The following SZT2 variants were observed in gnomAD, a reference collection of about 807,000 sequenced individuals.
SZT2 encodes the protein KICSTOR complex protein SZT2.
Under a neutral mutation model 404.2 loss-of-function variants are expected in SZT2, and 216 were observed. The observed-to-expected ratio is 0.53, with a 90% CI of 0.48 to 0.60. The LOEUF is 0.60. Among genes scored for constraint, SZT2 ranks in the 20% least tolerant of loss-of-function variants. The probability of loss-of-function intolerance (pLI) is 0.00; values close to 1 mark genes in which losing one functional copy is unlikely to be tolerated. For missense variants in SZT2, 3,857 were observed against 4,459.2 expected, an observed-to-expected ratio of 0.86 and a Z score of 3.85; for synonymous variants, 1,693 against 1,749.9, an observed-to-expected ratio of 0.97 and a Z score of 0.81.
Position 43,442,731 on chromosome 1 carries a change from A to G in SZT2, c.8152-88A>G, listed in dbSNP as rs887917160. ...CAGACTGAGGGCAGAGGTAGTGGGG[A>G]GGGAGAGTCTGAGAGAGGAAGCCCT... On this transcript the variant is annotated intron_variant, in intron 58 of 71. Transcript: ENST00000634258. The surrounding 1 kb of genome is among the most constrained non-coding windows in gnomAD (Gnocchi z 4.5). 7.2e-6 allele frequency: 11 copies of G among 1,535,152 alleles called. No individual in the cohort carries two copies. The highest frequency in any genetic ancestry group is 8.7e-6 in the Non-Finnish European group (10 of 1,143,308).
At position 43,427,082 on chromosome 1, in the gene SZT2, G is replaced by A. The variant is rs368224490; in HGVS notation, c.3336G>A (p.Lys1112=). 9.3e-6 allele frequency: 15 copies of A among 1,613,550 alleles called. No individual in the cohort carries two copies. In the African/African-American group the frequency reaches 1.9e-4, roughly 20 times the overall value. Residue 1112 remains lysine (K), a synonymous_variant, in exon 24 of 72, where the codon AAG becomes AAA. Transcript: ENST00000634258. ...SLSVGLPETL[K]PLISAQPPQW... ...GTGTAGGTCTTCCTGAAACTCTCAA[G>A]CCTCTCATCTCTGCCCAGCCCCCTC...
chr1:43,430,469 C>G, intron 31 of SZT2, 27 bp from the exon 32 acceptor site: 1 of 1,609,854 alleles, frequency 6.2e-7, no homozygotes. Flanking sequence ...CAGCCTCTCT[C>G]ATTGACCATG....
intron 67 of SZT2, 22 bp from the exon 68 acceptor site, chr1:43,447,827 C>T (rs1277047959): frequency 2.5e-6 from 4 of 1,613,626 alleles, no homozygotes; most frequent in Non-Finnish European, 3.4e-6. Context: ...GAGTTGACAT[C>T]TCCCCAACCC....
At chr1:43,390,550 A>T (rs932968136) in intron 1 of SZT2, among the ~76,000 whole-genome samples, 1 of 152,246 alleles carries the variant, frequency 6.6e-6, no homozygotes, top group African/African-American at 2.4e-5. Flanking sequence ...TCTTTATAAA[A>T]TATCTGTCTT....
At chr1:43,443,513 C>T in intron 61 of SZT2, 36 bp downstream of exon 61, 1 of 1,613,762 alleles carries the variant, frequency 6.2e-7, no homozygotes, top group East Asian at 2.2e-5. Context: ...CAGACCTTTG[C>T]TTACCCCACA....
At chr1:43,397,072 T>C (rs1649080035) in intron 1 of SZT2, among the ~76,000 whole-genome samples, 1 of 152,218 alleles carries the variant, frequency 6.6e-6, no homozygotes, top group Admixed American at 6.5e-5. Flanking sequence ...ATACATGTAT[T>C]CAACAGTTAT....
intron 2 of SZT2, 32 bp from the exon 3 acceptor site, chr1:43,403,569 T>C: frequency 6.2e-7 from 1 of 1,602,754 alleles, no homozygotes; most frequent in Non-Finnish European, 8.5e-7. Context: ...ACTTCGCTGA[T>C]CCTTTCCTTT....
Position 43,442,028 on chromosome 1 carries a change from T to C in SZT2, c.7771T>C (p.Cys2591Arg). The C allele has an allele frequency of 6.2e-7, 1 of 1,613,942 alleles. No individual in the cohort carries two copies. The highest frequency in any genetic ancestry group is 8.5e-7 in the Non-Finnish European group (1 of 1,179,916). ...TTCAGAGCCAGAGATCTTCGGCCCT[T>C]GTTCCCCTGGGCAACTGGGCCCCTC... ...LGSEPEIFGP[C>R]SPGQLGPSPR... Residue 2591 changes from cysteine (C) to arginine (R), a missense_variant, in exon 56 of 72, where the codon TGT becomes CGT. By Grantham distance (180) the Cys-to-Arg change is radical. This residue lies in a region of SZT2 where 573 missense variants were observed against 592.4 expected (regional missense o/e 0.97). Transcript: ENST00000634258. The surrounding 1 kb of genome is among the most constrained non-coding windows in gnomAD (Gnocchi z 4.5).
chr1:43,437,159 C>T lies in SZT2; in HGVS notation c.6035-12C>T. On this transcript the variant is annotated splice_polypyrimidine_tract_variant and intron_variant, in intron 42 of 71. Transcript: ENST00000634258. The surrounding 1 kb of genome is among the most constrained non-coding windows in gnomAD (Gnocchi z 5.3). ...TGTGTCCCATTTCTAATCCCTGCTC[C>T]CCCTCACCCAGATTATGCTGCTGAT... The T allele has an allele frequency of 1.2e-6, 2 of 1,613,868 alleles. No individual in the cohort carries two copies. The highest frequency in any genetic ancestry group is 1.7e-6 in the Non-Finnish European group (2 of 1,179,868).
chr1:43,424,797 G>A lies in SZT2; in HGVS notation c.2485G>A (p.Glu829Lys). Residue 829 changes from glutamate (E) to lysine (K), a missense_variant, in exon 17 of 72, where the codon GAA becomes AAA. Coordinates refer to ENST00000634258, the MANE Select transcript of SZT2 (RefSeq NM_001365999.1). This position sits in a 1 kb window ranked among gnomAD's most constrained non-coding sequence, Gnocchi z 4.1. ...ATGGGGCTTCAGAGTCCGACTTTCTGAAGGATTCCACTTCGCCTGCAGTGG... is the reference window on the plus strand; with the variant it reads ...ATGGGGCTTCAGAGTCCGACTTTCTAAAGGATTCCACTTCGCCTGCAGTGG... ...LSILTEVRLS[E>K]GFHFACSGEG... is the part of the protein sequence containing the mutation. 6.2e-7 allele frequency: 1 copy of A among 1,614,076 alleles called. No homozygotes were observed. Among genetic ancestry groups the A allele is most frequent in the Non-Finnish European group, 8.5e-7 (1 of 1,179,942 alleles).
intron 4 of SZT2, among the ~76,000 whole-genome samples, chr1:43,407,825 A>AC (rs1650503234): frequency 7.4e-6 from 1 of 135,500 alleles, no homozygotes; most frequent in African/African-American, 2.7e-5. Context: ...TTAAATTCTA[A>AC]CCTTTTTTTT....
At chr1:43,396,318 A>C (rs769517651) in intron 1 of SZT2, among the ~76,000 whole-genome samples, 7 of 152,252 alleles carry the variant, frequency 4.6e-5, no homozygotes, top group Non-Finnish European at 8.8e-5. Context: ...GGCTGTCATC[A>C]CATGTTTAAT....
In SZT2 at chr1:43,453,907, A is replaced by C; in HGVS notation, c.*3427A>C. On this transcript the variant is annotated 3_prime_UTR_variant, in exon 72 of 72. Coordinates refer to ENST00000634258, the MANE Select transcript of SZT2 (RefSeq NM_001365999.1). Reference sequence around the variant, plus strand: ...TTGCTGGCCCTGCGAACGAACGAGCACTGTTCGTGGTTAGAAAAGCGAAGT... The same window carrying C: ...TTGCTGGCCCTGCGAACGAACGAGCCCTGTTCGTGGTTAGAAAAGCGAAGT... 1.6e-6 allele frequency: 2 copies of C among 1,214,624 alleles called. No homozygotes were observed. The highest frequency in any genetic ancestry group is 4.0e-5 in the South Asian group (1 of 25,252). 75.2% of individuals were successfully genotyped at this position (1,214,624 alleles called of 1,614,324 possible).
intron 28 of SZT2, 175 bp downstream of exon 28, chr1:43,428,661 C>A: frequency 2.4e-6 from 2 of 830,296 alleles, no homozygotes; most frequent in Non-Finnish European, 3.6e-6. Context: ...CAATTTGGCA[C>A]AGGCAGCAGT....
At position 43,446,277 on chromosome 1, in the gene SZT2, T is replaced by C. The variant is rs1557600996; in HGVS notation, c.8997+18T>C. 1.2e-6 allele frequency: 2 copies of C among 1,614,264 alleles called. No homozygotes were observed. Among genetic ancestry groups the C allele is most frequent in the East Asian group, 4.5e-5 (2 of 44,884 alleles). On this transcript the variant is annotated intron_variant, in intron 64 of 71. Coordinates refer to ENST00000634258, the MANE Select transcript of SZT2 (RefSeq NM_001365999.1). Reference sequence around the variant, plus strand: ...CATTCCAGGTAAGCAGGAGGAGCACTGAGTGGAGACAGCCAGACCCACCTG... The same window carrying C: ...CATTCCAGGTAAGCAGGAGGAGCACCGAGTGGAGACAGCCAGACCCACCTG...
Position 43,426,598 on chromosome 1 carries a change from A to G in SZT2, c.3214+60A>G. On this transcript the variant is annotated intron_variant, in intron 22 of 71. Transcript: ENST00000634258. This position sits in a 1 kb window ranked among gnomAD's most constrained non-coding sequence, Gnocchi z 4.9. Reference sequence around the variant, plus strand: ...GGCCCAGCCCTTTTCCCCCACCCTCACAGGGTGATTTCTGTCTTTGAGTTT... The same window carrying G: ...GGCCCAGCCCTTTTCCCCCACCCTCGCAGGGTGATTTCTGTCTTTGAGTTT... 6.6e-7 allele frequency: 1 copy of G among 1,506,048 alleles called. No individual in the cohort carries two copies. The highest frequency in any genetic ancestry group is 8.9e-7 in the Non-Finnish European group (1 of 1,120,898). The allele number at this position is 1,506,048 out of a possible 1,614,324, so 93.3% of individuals were successfully genotyped here.
chr1:43,426,569 C>T lies in SZT2; in HGVS notation c.3214+31C>T. The T allele has an allele frequency of 6.5e-7, 1 of 1,529,762 alleles. No individual in the cohort carries two copies. The highest frequency in any genetic ancestry group is 8.8e-7 in the Non-Finnish European group (1 of 1,138,974). The allele number at this position is 1,529,762 out of a possible 1,614,324, so 94.8% of individuals were successfully genotyped here. ...TTCCCCACATCCTCCTGACACCAGA[C>T]CCTGGCCCAGCCCTTTTCCCCCACC... is the stretch of plus-strand genomic sequence containing the variant. On this transcript the variant is annotated intron_variant, in intron 22 of 71. Coordinates refer to ENST00000634258, the MANE Select transcript of SZT2 (RefSeq NM_001365999.1). The surrounding 1 kb of genome is among the most constrained non-coding windows in gnomAD (Gnocchi z 4.9).
chr1:43,416,723 G>A, intron 7 of SZT2, 82 bp downstream of exon 7: 1 of 1,097,820 alleles, frequency 9.1e-7, no homozygotes, highest in Non-Finnish European at 1.3e-6. Flanking sequence ...CTTACAGGCA[G>A]TGATTTCCCA....
At position 43,427,456 on chromosome 1, in the gene SZT2, C is replaced by A. The variant is rs763970397; in HGVS notation, c.3598+11C>A. 6.2e-7 allele frequency: 1 copy of A among 1,611,570 alleles called. No individual in the cohort carries two copies. Among genetic ancestry groups the A allele is most frequent in the East Asian group, 2.2e-5 (1 of 44,828 alleles). The stretch of plus-strand genomic sequence containing the variant: ...TGACCCTGGCTAGTGGTAAGGCTGC[C>A]GACTCAAGGTGGGCAGGAGTGGGAG... On this transcript the variant is annotated intron_variant, in intron 25 of 71. Coordinates refer to ENST00000634258, the MANE Select transcript of SZT2 (RefSeq NM_001365999.1).
Sources: allele counts gnomAD v4.1 joint callset (sites outside exome capture counted in the v4.1 genomes callset), GRCh38; gene constraint gnomAD v4.1.1; regional missense constraint gnomAD v4.1.1; non-coding constraint Gnocchi (gnomAD v3.1); transcripts MANE v1.5; gene names NCBI Gene and HGNC (gene_info 2026-07-23, HGNC 2026-07-21).